Variants in ZDHHC17 observed in about 807,000 individuals in gnomAD.
ZDHHC17 encodes zDHHC palmitoyltransferase 17, also known as palmitoyltransferase ZDHHC17.
ZDHHC17 carries 40 observed loss-of-function variants against 90.3 expected under a neutral mutation model. The observed-to-expected ratio is 0.44, with a 90% CI of 0.34 to 0.58. ZDHHC17 has a LOEUF of 0.58. ZDHHC17 is among the 20% of genes least tolerant of loss of function. ZDHHC17 has a pLI of 0.01. For synonymous variants in ZDHHC17, 235 were observed against 252.4 expected, an observed-to-expected ratio of 0.93 and a Z score of 0.65; for missense variants, 614 against 780.8, an observed-to-expected ratio of 0.79 and a Z score of 2.55.
chr12:76,792,634 C>A (rs372354923), intron 1 of ZDHHC17, among the ~76,000 whole-genome samples: 1 of 151,940 alleles, frequency 6.6e-6, no homozygotes, highest in Admixed American at 6.6e-5. Flanking sequence ...CCTTCCAGTT[C>A]TCTTCAAAGC....
In ZDHHC17 at chr12:76,842,111, C is replaced by A; in HGVS notation, c.1266+5C>A. The A allele has an allele frequency of 6.4e-7, 1 of 1,558,616 alleles. No homozygotes were observed. Among genetic ancestry groups the A allele is most frequent in the Admixed American group, 2.0e-5 (1 of 51,276 alleles). On this transcript the variant is annotated splice_donor_5th_base_variant and intron_variant, in intron 11 of 16. Coordinates refer to ENST00000426126, the MANE Select transcript of ZDHHC17 (RefSeq NM_015336.4). ...ACAGAAGAGCAAAAGAAAAAGGTAG[C>A]AAAATACCAACTAAGTCACTTGTAT...
chr12:76,837,263 G>C (rs1261991834), intron 10 of ZDHHC17, among the ~76,000 whole-genome samples: 2 of 152,064 alleles, frequency 1.3e-5, no homozygotes, highest in African/African-American at 4.8e-5. Context: ...AGACTCTCAA[G>C]TAGCTAGGAT....
intron 2 of ZDHHC17, among the ~76,000 whole-genome samples, chr12:76,800,888 T>TTTC (rs1555183486): frequency 7.0e-6 from 1 of 143,802 alleles, no homozygotes; most frequent in African/African-American, 2.6e-5. Context: ...GCCATTTCTT[T>TTTC]TTTTTTTTTT....
chr12:76,814,755 T>A (rs1953064068), intron 5 of ZDHHC17, among the ~76,000 whole-genome samples: 1 of 151,968 alleles, frequency 6.6e-6, no homozygotes. Flanking sequence ...GTCAGTTCTT[T>A]TTATTTTTTG....
intron 14 of ZDHHC17, 119 bp downstream of exon 14, chr12:76,846,798 C>A: frequency 1.2e-6 from 1 of 831,406 alleles, no homozygotes; most frequent in Non-Finnish European, 1.9e-6. Context: ...ATGGTTTGGA[C>A]ACCTTATGAA....
rs1953580136 is a variant in ZDHHC17, at chr12:76,852,658, T to C, written c.*1673T>C. 6.6e-6 allele frequency: 1 copy of C among 152,562 alleles called. No homozygotes were observed. Among genetic ancestry groups the C allele is most frequent in the Admixed American group, 6.5e-5 (1 of 15,268 alleles). 9.5% of individuals were successfully genotyped at this position (152,562 alleles called of 1,614,324 possible). ...AGCAGTGAAATGTATATAGTTGATG[T>C]TCAGTATTTCCAAGTACCATTTTTA... is the stretch of plus-strand genomic sequence containing the variant. On this transcript the variant is annotated 3_prime_UTR_variant, in exon 17 of 17. Transcript: ENST00000426126.
Position 76,809,063 on chromosome 12 carries a change from C to T in ZDHHC17, c.341C>T (p.Ala114Val), listed in dbSNP as rs745982983. The T allele has an allele frequency of 3.8e-6, 6 of 1,558,934 alleles. No homozygotes were observed. The highest frequency in any genetic ancestry group is 1.9e-5 in the Admixed American group (1 of 53,644). Residue 114 changes from alanine to valine, a missense_variant, in exon 4 of 17, where the codon GCT becomes GTT. Ala to Val is a moderately conservative substitution (Grantham distance 64). Coordinates refer to ENST00000426126, the MANE Select transcript of ZDHHC17 (RefSeq NM_015336.4). ...DLVKYYISKG[A>V]IVDQLGGDLN... ...TATAGATACTATATTTCGAAAGGTG[C>T]TATTGTGGATCAACTTGGAGGGGAC... is the stretch of plus-strand genomic sequence containing the variant.
intron 12 of ZDHHC17, chr12:76,845,486 G>T: frequency 3.9e-6 from 1 of 253,494 alleles, no homozygotes. Flanking sequence ...ATTCTTAAGA[G>T]CATATTTTCT....
At chr12:76,795,242 T>TG (rs2137742881) in intron 1 of ZDHHC17, among the ~76,000 whole-genome samples, 2 of 144,846 alleles carry the variant, frequency 1.4e-5, no homozygotes, top group South Asian at 4.3e-4. Flanking sequence ...GTGTGTGTGT[T>TG]TTGTTGCATT....
intron 16 of ZDHHC17, among the ~76,000 whole-genome samples, chr12:76,850,212 G>A (rs1953546873): frequency 6.6e-6 from 1 of 151,982 alleles, no homozygotes; most frequent in Non-Finnish European, 1.5e-5. Flanking sequence ...AACCACTGGT[G>A]CGCACCTGGC....
intron 7 of ZDHHC17, among the ~76,000 whole-genome samples, chr12:76,819,490 C>T (rs1014387252): frequency 8.6e-5 from 13 of 151,972 alleles, no homozygotes; most frequent in Non-Finnish European, 1.6e-4. Context: ...TTATATTTTT[C>T]AAAGAATATG....
At chr12:76,800,112 C>T (rs916418583) in intron 2 of ZDHHC17, among the ~76,000 whole-genome samples, 13 of 152,120 alleles carry the variant, frequency 8.5e-5, no homozygotes, top group African/African-American at 3.1e-4. Context: ...AGATGCCCAA[C>T]CTGTACATGG....
In ZDHHC17 at chr12:76,851,320, G is replaced by C. The variant is rs896399385; in HGVS notation, c.*335G>C. On this transcript the variant is annotated 3_prime_UTR_variant, in exon 17 of 17. Coordinates refer to ENST00000426126, the MANE Select transcript of ZDHHC17 (RefSeq NM_015336.4). ...ATTCTATTGACAGACATGGTGTACT[G>C]ATCAGAAATGTTCAGTTTTAACTAA... 8.0e-6 allele frequency: 2 copies of C among 251,488 alleles called. No homozygotes were observed. Among genetic ancestry groups the C allele is most frequent in the Non-Finnish European group, 1.5e-5 (2 of 131,060 alleles). The allele number at this position is 251,488 out of a possible 1,614,324, so 15.6% of individuals were successfully genotyped here. A position where few individuals can be genotyped will look rare whatever the true frequency, so the allele number is the denominator to read the frequency against.
At chr12:76,824,046 G>A (rs944898654) in intron 8 of ZDHHC17, among the ~76,000 whole-genome samples, 1 of 151,838 alleles carries the variant, frequency 6.6e-6, no homozygotes, top group African/African-American at 2.4e-5. Flanking sequence ...TGGCACTTTC[G>A]TTTTGTTGAA....
Position 76,764,224 on chromosome 12 carries a change from G to A in ZDHHC17, c.-13G>A, listed in dbSNP as rs955977337. 3 of 1,577,126 alleles carry A rather than the reference G, an allele frequency of 1.9e-6. No homozygotes were observed. Among genetic ancestry groups the A allele is most frequent in the Non-Finnish European group, 1.7e-6 (2 of 1,160,728 alleles). On this transcript the variant is annotated 5_prime_UTR_variant, in exon 1 of 17. Coordinates refer to ENST00000426126, the MANE Select transcript of ZDHHC17 (RefSeq NM_015336.4). Reference sequence around the variant, plus strand: ...CGCCCGAGCCCCGGGAGGGTGAAACGCTTTCTCCCAGCATGCAGCGGGAGG... The same window carrying A: ...CGCCCGAGCCCCGGGAGGGTGAAACACTTTCTCCCAGCATGCAGCGGGAGG...
At position 76,788,688 on chromosome 12, in the gene ZDHHC17, A is replaced by ATATTTTTTTTTTTTTTTTTTTTTTTTTT. The variant is rs61663401; in HGVS notation, c.94-8745_94-8744insATTTTTTTTTTTTTTTTTTTTTTTTTTT. Reference sequence around the variant, plus strand: ...AAAATATATTTAAGTTGGAATCGCAATTTTTTTTTTTTTTTTTTTTTTTTT... The same window carrying ATATTTTTTTTTTTTTTTTTTTTTTTTTT: ...AAAATATATTTAAGTTGGAATCGCAATATTTTTTTTTTTTTTTTTTTTTTTTTTTTTTTTTTTTTTTTTTTTTTTTTTT... On this transcript the variant is annotated intron_variant, in intron 1 of 16. Transcript: ENST00000426126. 3.3e-4 allele frequency among the ~76,000 whole-genome samples: 33 copies of ATATTTTTTTTTTTTTTTTTTTTTTTTTT among 98,662 alleles called. 9 individuals are homozygous for ATATTTTTTTTTTTTTTTTTTTTTTTTTT. Among genetic ancestry groups the ATATTTTTTTTTTTTTTTTTTTTTTTTTT allele is most frequent in the East Asian group, 7.3e-4 (2 of 2,744 alleles). The allele number at this position is 98,662 out of a possible 152,430, so 64.7% of individuals were successfully genotyped here.
chr12:76,815,027 C>T (rs1437284377), intron 5 of ZDHHC17, 119 bp from the exon 6 acceptor site: 8 of 544,000 alleles, frequency 1.5e-5, no homozygotes, highest in African/African-American at 1.3e-4. Flanking sequence ...ATACATTATC[C>T]TTGATTGAGT....
intron 1 of ZDHHC17, among the ~76,000 whole-genome samples, chr12:76,770,157 T>A (rs1952476595): frequency 6.6e-6 from 1 of 152,210 alleles, no homozygotes; most frequent in Non-Finnish European, 1.5e-5. Context: ...AGATAATACA[T>A]GTGAAGTTCT....
intron 1 of ZDHHC17, among the ~76,000 whole-genome samples, 199 bp from the exon 2 acceptor site, chr12:76,797,235 C>A (rs1952830768): frequency 2.0e-5 from 3 of 151,898 alleles, no homozygotes; most frequent in South Asian, 4.1e-4. Flanking sequence ...TGCACTCCAG[C>A]CTGGGTGACA....
Sources: gnomAD v4.1 joint callset for allele counts (sites outside exome capture counted in the v4.1 genomes callset) on GRCh38, gnomAD v4.1.1 for gene constraint, MANE v1.5 for transcripts, NCBI Gene and HGNC (gene_info 2026-07-23, HGNC 2026-07-21) for gene names.